Variants in PLXDC2 observed in about 807,000 individuals in gnomAD.
PLXDC2 encodes the protein plexin domain containing 2.
Under a neutral mutation model 68.9 loss-of-function variants are expected in PLXDC2, and 40 were observed. The observed-to-expected ratio is 0.58, with a 90% CI of 0.45 to 0.76. PLXDC2 has a LOEUF of 0.76. Ranked by LOEUF, PLXDC2 falls within the 30% of genes least tolerant of loss-of-function variation. PLXDC2 has a pLI of 0.00. For synonymous variants in PLXDC2, 243 were observed against 234.2 expected, an observed-to-expected ratio of 1.04 and a Z score of -0.34; for missense variants, 644 against 661.9, an observed-to-expected ratio of 0.97 and a Z score of 0.30.
At chr10:20,269,418 G>C (rs1049219445) in intron 13 of PLXDC2, among the ~76,000 whole-genome samples, 2 of 152,096 alleles carry the variant, frequency 1.3e-5, no homozygotes, top group Non-Finnish European at 2.9e-5. Flanking sequence ...TACTTAGAGA[G>C]AGAGAATCAG....
intron 4 of PLXDC2, among the ~76,000 whole-genome samples, chr10:20,071,555 C>A (rs1485326651): frequency 6.6e-6 from 1 of 152,162 alleles, no homozygotes; most frequent in Non-Finnish European, 1.5e-5. Flanking sequence ...TTGCTTGCCA[C>A]CATGTAAGAC....
chr10:20,223,386 C>T (rs1835243008), intron 12 of PLXDC2, among the ~76,000 whole-genome samples: 1 of 149,646 alleles, frequency 6.7e-6, no homozygotes, highest in South Asian at 2.1e-4. Flanking sequence ...GAACTTGGCT[C>T]ACTGCAGCCT....
At chr10:20,198,303 T>C (rs886866176) in intron 9 of PLXDC2, among the ~76,000 whole-genome samples, 1 of 152,160 alleles carries the variant, frequency 6.6e-6, no homozygotes, top group African/African-American at 2.4e-5. Flanking sequence ...TAATTGTTCT[T>C]TGCGTTTCAC....
At chr10:20,008,100 C>G (rs554122160) in intron 2 of PLXDC2, among the ~76,000 whole-genome samples, 3 of 152,308 alleles carry the variant, frequency 2.0e-5, no homozygotes, top group African/African-American at 7.2e-5. Flanking sequence ...GTTGTGTTGG[C>G]ATCTTATTTT....
At chr10:20,108,367 C>A (rs1833518146) in intron 4 of PLXDC2, among the ~76,000 whole-genome samples, 1 of 152,074 alleles carries the variant, frequency 6.6e-6, no homozygotes, top group South Asian at 2.1e-4. Flanking sequence ...AGGCATCCTA[C>A]AATTCTTAGG....
chr10:20,070,003 A>T (rs11819666), intron 4 of PLXDC2, among the ~76,000 whole-genome samples: 3,510 of 151,886 alleles, frequency 0.023, 79 homozygotes, highest in Non-Finnish European at 0.033. Context: ...ACGGTTGTGT[A>T]GAGAAGGAAG....
chr10:20,027,401 G>C (rs1463236334), intron 2 of PLXDC2, among the ~76,000 whole-genome samples: 1 of 152,062 alleles, frequency 6.6e-6, no homozygotes. Flanking sequence ...TACAGTGTTT[G>C]TTCTCTCTTG....
intron 1 of PLXDC2, among the ~76,000 whole-genome samples, chr10:19,990,092 A>AT (rs541914421): frequency 6.5e-4 from 98 of 149,636 alleles, no homozygotes; most frequent in African/African-American, 2.0e-3. Flanking sequence ...TACCACCAGG[A>AT]TTTTTTTTTT....
At chr10:20,132,719 G>C (rs2078561500) in intron 4 of PLXDC2, among the ~76,000 whole-genome samples, 1 of 151,418 alleles carries the variant, frequency 6.6e-6, no homozygotes, top group South Asian at 2.1e-4. Flanking sequence ...GCATATGAGT[G>C]TCCTTAAAGC....
At chr10:19,883,672 GTTTC>G (rs1201333706) in intron 1 of PLXDC2, among the ~76,000 whole-genome samples, 4 of 151,226 alleles carry the variant, frequency 2.6e-5, no homozygotes, top group African/African-American at 7.3e-5. Flanking sequence ...TTTTCATGCT[GTTTC>G]TTTCTGCTTT....
chr10:19,822,384 C>T (rs192634173), intron 1 of PLXDC2, among the ~76,000 whole-genome samples: 1 of 151,882 alleles, frequency 6.6e-6, no homozygotes, highest in East Asian at 1.9e-4. Flanking sequence ...TCAATGGACA[C>T]TCAGGTTGTT....
intron 4 of PLXDC2, among the ~76,000 whole-genome samples, chr10:20,097,905 A>G (rs931772769): frequency 2.0e-5 from 3 of 148,628 alleles, no homozygotes; most frequent in African/African-American, 7.3e-5. Flanking sequence ...TAAGTTATAT[A>G]TATTTATATA....
chr10:19,979,526 C>G (rs1314794275), intron 1 of PLXDC2, among the ~76,000 whole-genome samples: 2 of 151,970 alleles, frequency 1.3e-5, no homozygotes, highest in South Asian at 4.2e-4. Context: ...GCACCCACGA[C>G]CATGCCTGGC....
chr10:19,864,517 A>T (rs1837378102), intron 1 of PLXDC2, among the ~76,000 whole-genome samples: 1 of 152,212 alleles, frequency 6.6e-6, no homozygotes, highest in Non-Finnish European at 1.5e-5. Context: ...AAATGGAACA[A>T]TTTAAATTTT....
intron 13 of PLXDC2, among the ~76,000 whole-genome samples, chr10:20,246,144 G>T (rs79149073): frequency 6.6e-6 from 1 of 152,176 alleles, no homozygotes; most frequent in East Asian, 1.9e-4. Flanking sequence ...CTTCATGTAC[G>T]GAATGTAGGT....
chr10:19,937,110 C>T (rs1327978779), intron 1 of PLXDC2, among the ~76,000 whole-genome samples: 1 of 152,176 alleles, frequency 6.6e-6, no homozygotes, highest in Non-Finnish European at 1.5e-5. Flanking sequence ...CTAAAACTAT[C>T]CTGATTTCCT....
At chr10:20,116,049 AGT>A (rs1168425239) in intron 4 of PLXDC2, among the ~76,000 whole-genome samples, 1 of 152,188 alleles carries the variant, frequency 6.6e-6, no homozygotes, top group Non-Finnish European at 1.5e-5. Flanking sequence ...GTTACACAAA[AGT>A]GTGTTTGAGA....
intron 4 of PLXDC2, among the ~76,000 whole-genome samples, chr10:20,111,052 AG>A (rs1833554100): frequency 6.6e-6 from 1 of 152,178 alleles, no homozygotes; most frequent in Admixed American, 6.5e-5. Context: ...TCTCCTGCCT[AG>A]TTATACAACA....
At chr10:19,949,122 T>TTAA (rs1833953726) in intron 1 of PLXDC2, among the ~76,000 whole-genome samples, 1 of 12,456 alleles carries the variant, frequency 8.0e-5, no homozygotes, top group South Asian at 3.0e-3. Context: ...CGAGACTTTG[T>TTAA]CAAAAAAAAA....
Sources: gnomAD v4.1 joint callset for allele counts (sites outside exome capture counted in the v4.1 genomes callset) on GRCh38, gnomAD v4.1.1 for gene constraint, MANE v1.5 for transcripts, NCBI Gene and HGNC (gene_info 2026-07-23, HGNC 2026-07-21) for gene names.